The following RBKS variants were observed in gnomAD, a reference collection of about 807,000 sequenced individuals.
RBKS encodes the protein ribokinase.
RBKS carries 33 observed loss-of-function variants against 33.9 expected under a neutral mutation model. The observed-to-expected ratio is 0.97, with a 90% confidence interval of 0.74 to 1.30. The LOEUF is 1.30. RBKS is among the 50% of genes most tolerant of loss of function. The probability of loss-of-function intolerance (pLI) is 0.00; values close to 1 mark genes in which losing one functional copy is unlikely to be tolerated. For missense variants in RBKS, 361 were observed against 392.6 expected (o/e 0.92, Z 0.68); for synonymous variants, 125 against 143.0 (o/e 0.87, Z 0.90).
intron 7 of RBKS, among the ~76,000 whole-genome samples, chr2:27,783,262 G>GC (rs1382998872): frequency 6.6e-6 from 1 of 151,978 alleles, no homozygotes; most frequent in Non-Finnish European, 1.5e-5. Context: ...GGGCAACATG[G>GC]CAAAACCTCG....
chr2:27,820,614 GT>G (rs1678184674), intron 7 of RBKS, among the ~76,000 whole-genome samples: 1 of 151,224 alleles, frequency 6.6e-6, no homozygotes, highest in Non-Finnish European at 1.5e-5. Context: ...GTCTTGCTAT[GT>G]TGCCCAGGCT....
chr2:27,886,240 T>C (rs955163776), intron 1 of RBKS, among the ~76,000 whole-genome samples: 1 of 152,202 alleles, frequency 6.6e-6, no homozygotes, highest in African/African-American at 2.4e-5. Context: ...AGGTTATTCA[T>C]TGATTGAATT....
chr2:27,798,628 C>G (rs1677709070), intron 7 of RBKS, among the ~76,000 whole-genome samples: 1 of 152,180 alleles, frequency 6.6e-6, no homozygotes, highest in South Asian at 2.1e-4. Context: ...ACCCTTCCAG[C>G]CCATCCTCTA....
chr2:27,880,496 TG>T (rs1664397819), intron 1 of RBKS, among the ~76,000 whole-genome samples: 1 of 152,038 alleles, frequency 6.6e-6, no homozygotes, highest in African/African-American at 2.4e-5. Flanking sequence ...CCTATTTGCA[TG>T]ATTCTATACC....
At chr2:27,832,363 C>T (rs754410214) in intron 6 of RBKS, among the ~76,000 whole-genome samples, 1 of 152,048 alleles carries the variant, frequency 6.6e-6, no homozygotes, top group Non-Finnish European at 1.5e-5. Context: ...CTTGCTAAAC[C>T]TGGCAACTTT....
chr2:27,886,649 G>A (rs1269879407), intron 1 of RBKS, among the ~76,000 whole-genome samples: 2 of 152,080 alleles, frequency 1.3e-5, no homozygotes, highest in Non-Finnish European at 2.9e-5. Context: ...CCAAGTAGGA[G>A]GATCGCTTGA....
chr2:27,800,859 C>T (rs996559711), intron 7 of RBKS, among the ~76,000 whole-genome samples: 1 of 152,186 alleles, frequency 6.6e-6, no homozygotes, highest in Non-Finnish European at 1.5e-5. Flanking sequence ...GAGTTCCAGC[C>T]ATGGTCAACA....
intron 6 of RBKS, among the ~76,000 whole-genome samples, chr2:27,832,481 T>C (rs922770064): frequency 6.6e-6 from 1 of 152,176 alleles, no homozygotes; most frequent in Non-Finnish European, 1.5e-5. Context: ...TGCCAGAATA[T>C]GGAAGTGACT....
chr2:27,848,510 C>A (rs945995269), intron 2 of RBKS, among the ~76,000 whole-genome samples: 5 of 152,082 alleles, frequency 3.3e-5, no homozygotes, highest in African/African-American at 1.2e-4. Context: ...TCCCTTGACA[C>A]TGACACATAG....
chr2:27,818,990 T>A (rs1678148745), intron 7 of RBKS, among the ~76,000 whole-genome samples: 1 of 152,206 alleles, frequency 6.6e-6, no homozygotes, highest in Admixed American at 6.5e-5. Flanking sequence ...GTCCTCTTAG[T>A]TTGCTTTGGA....
At chr2:27,888,546 AACTTT>A (rs1156282250) in intron 1 of RBKS, among the ~76,000 whole-genome samples, 1 of 152,200 alleles carries the variant, frequency 6.6e-6, no homozygotes, top group Non-Finnish European at 1.5e-5. Flanking sequence ...TATGTAACTC[AACTTT>A]ATGAATTTTT....
intron 7 of RBKS, among the ~76,000 whole-genome samples, chr2:27,804,651 A>T (rs1677861636): frequency 6.6e-6 from 1 of 152,212 alleles, no homozygotes; most frequent in Non-Finnish European, 1.5e-5. Context: ...CCCAATAAGC[A>T]CTGAGGCAAC....
At chr2:27,867,358 A>C (rs932082082) in intron 1 of RBKS, among the ~76,000 whole-genome samples, 1 of 152,162 alleles carries the variant, frequency 6.6e-6, no homozygotes, top group Non-Finnish European at 1.5e-5. Flanking sequence ...CATAATAAAT[A>C]ATACAATGGG....
rs372503096 is a variant in RBKS at position 27,863,501 on chromosome 2, T to C, written c.90-4930A>G. Among the ~76,000 whole-genome samples, 17 of 152,346 alleles carry C rather than the reference T, an allele frequency of 1.1e-4. 1 individual carries two copies. The highest frequency in any genetic ancestry group is 4.1e-4 in the African/African-American group (17 of 41,584). On this transcript the variant is annotated intron_variant, in intron 1 of 7. Transcript: ENST00000302188. ...TTACCAGAACAACTTATCAATTGCT[T>C]TTAACTTCTTGACAATGATGTGGTT...
At chr2:27,844,141 T>G (rs1381153173) in intron 4 of RBKS, among the ~76,000 whole-genome samples, 9 of 151,888 alleles carry the variant, frequency 5.9e-5, no homozygotes, top group Non-Finnish European at 1.2e-4. Context: ...GTGCCTGCAG[T>G]CGCAGCTACT....
intron 7 of RBKS, among the ~76,000 whole-genome samples, chr2:27,794,641 A>T (rs1158768335): frequency 4.3e-4 from 52 of 120,760 alleles, no homozygotes; most frequent in Non-Finnish European, 4.9e-4. Context: ...TTTTTTTTTG[A>T]GCTGGAGTTT....
chr2:27,807,215 G>T (rs1206799673), intron 7 of RBKS, among the ~76,000 whole-genome samples: 1 of 152,144 alleles, frequency 6.6e-6, no homozygotes, highest in Non-Finnish European at 1.5e-5. Context: ...CAAGTGTACA[G>T]GAACACCTTG....
intron 7 of RBKS, among the ~76,000 whole-genome samples, chr2:27,788,907 G>T (rs1232917363): frequency 6.6e-6 from 1 of 152,092 alleles, no homozygotes; most frequent in Non-Finnish European, 1.5e-5. Flanking sequence ...ATATTCTTAA[G>T]ATATAAATTC....
intron 1 of RBKS, among the ~76,000 whole-genome samples, chr2:27,869,380 G>A (rs754459165): frequency 8.5e-5 from 13 of 152,108 alleles, no homozygotes; most frequent in Admixed American, 2.0e-4. Flanking sequence ...TCTTAAACCC[G>A]AGTGCAGTAT....
Sources: allele counts gnomAD v4.1 joint callset (sites outside exome capture counted in the v4.1 genomes callset), GRCh38; gene constraint gnomAD v4.1.1; transcripts MANE v1.5; gene names NCBI Gene and HGNC (gene_info 2026-07-23, HGNC 2026-07-21).